The following TENM2 variants were observed in gnomAD, a reference collection of about 807,000 sequenced individuals.
TENM2 encodes the protein teneurin-2.
Under a neutral mutation model 245.2 loss-of-function variants are expected in TENM2, and 52 were observed. The ratio of observed to expected loss-of-function variants is 0.21; its 90% CI spans 0.17 to 0.27. The LOEUF is 0.27. Ranked by LOEUF, TENM2 falls within the 10% of genes least tolerant of loss-of-function variation. The pLI is 1.00. For synonymous variants in TENM2, 1,363 were observed against 1,438.9 expected, an observed-to-expected ratio of 0.95 and a Z score of 1.19; for missense variants, 3,046 against 3,666.8, an observed-to-expected ratio of 0.83 and a Z score of 4.37.
chr5:167,393,545 C>T (rs1237588568), intron 2 of TENM2, among the ~76,000 whole-genome samples: 1 of 152,122 alleles, frequency 6.6e-6, no homozygotes, highest in Non-Finnish European at 1.5e-5. Context: ...AATGTGATTG[C>T]AGCAGAATGC....
At chr5:167,250,142 A>G in the TENM2 span, among the ~76,000 whole-genome samples, 1 of 152,056 alleles carries the variant, frequency 6.6e-6, no homozygotes, top group Non-Finnish European at 1.5e-5. Context: ...GATTCACAAC[A>G]GGTTTTGAAG....
At chr5:167,409,977 T>G (rs540801414) in intron 2 of TENM2, among the ~76,000 whole-genome samples, 1 of 152,106 alleles carries the variant, frequency 6.6e-6, no homozygotes, top group Non-Finnish European at 1.5e-5. Context: ...TAATTAATAT[T>G]AATTTAATAA....
chr5:167,978,194 A>G (rs982999631), intron 4 of TENM2, among the ~76,000 whole-genome samples: 4 of 152,180 alleles, frequency 2.6e-5, no homozygotes, highest in Non-Finnish European at 2.9e-5. Context: ...TAAATTACCC[A>G]GTCTCAGGGT....
chr5:167,927,458 T>C (rs1561943183), intron 3 of TENM2, among the ~76,000 whole-genome samples: 1 of 152,172 alleles, frequency 6.6e-6, no homozygotes, highest in Non-Finnish European at 1.5e-5. Flanking sequence ...GCGGTGCTAA[T>C]GTAGTCTCCT....
At chr5:166,996,584 C>G in the TENM2 span, among the ~76,000 whole-genome samples, 1 of 152,088 alleles carries the variant, frequency 6.6e-6, no homozygotes, top group Non-Finnish European at 1.5e-5. Context: ...AGTTTGCTGG[C>G]CTTTATCTAA....
At chr5:167,174,902 A>G in the TENM2 span, among the ~76,000 whole-genome samples, 2 of 150,562 alleles carry the variant, frequency 1.3e-5, no homozygotes, top group East Asian at 3.9e-4. Flanking sequence ...GATTCCACAT[A>G]TAAGTGAGAT....
At chr5:167,177,352 A>T in the TENM2 span, among the ~76,000 whole-genome samples, 1 of 152,208 alleles carries the variant, frequency 6.6e-6, no homozygotes, top group Non-Finnish European at 1.5e-5. Flanking sequence ...CTCTTTAAAG[A>T]TGTCCTGTGA....
intron 2 of TENM2, among the ~76,000 whole-genome samples, chr5:167,726,007 G>A (rs78325379): frequency 0.01 from 1,548 of 152,240 alleles, 32 homozygotes; most frequent in East Asian, 0.071. Flanking sequence ...CCTTCTAGAG[G>A]TATCAGAATT....
At chr5:167,185,091 A>G in the TENM2 span, among the ~76,000 whole-genome samples, 1 of 152,120 alleles carries the variant, frequency 6.6e-6, no homozygotes, top group African/African-American at 2.4e-5. Flanking sequence ...CTACACATAT[A>G]TGTTCATACA....
At chr5:167,350,263 C>T (rs1192202803) in intron 1 of TENM2, among the ~76,000 whole-genome samples, 1 of 151,986 alleles carries the variant, frequency 6.6e-6, no homozygotes, top group African/African-American at 2.4e-5. Context: ...TTGGCATCAG[C>T]CAACTCACAA....
At chr5:167,048,043 T>C in the TENM2 span, among the ~76,000 whole-genome samples, 3 of 152,184 alleles carry the variant, frequency 2.0e-5, no homozygotes, top group Non-Finnish European at 4.4e-5. Flanking sequence ...ATTGCTATGC[T>C]CAGTGGCTTT....
At chr5:167,389,604 A>G (rs1761641905) in intron 2 of TENM2, among the ~76,000 whole-genome samples, 2 of 152,124 alleles carry the variant, frequency 1.3e-5, no homozygotes, top group Admixed American at 6.6e-5. Flanking sequence ...GTAAAGAGCA[A>G]TGTGATGGAT....
At chr5:167,670,494 A>G (rs1227948378) in intron 2 of TENM2, among the ~76,000 whole-genome samples, 1 of 125,722 alleles carries the variant, frequency 8.0e-6, no homozygotes, top group African/African-American at 3.7e-5. Flanking sequence ...CCTCTCTCTC[A>G]TCACATTTTT....
At chr5:167,968,439 A>C (rs1046531976) in intron 4 of TENM2, among the ~76,000 whole-genome samples, 1 of 152,142 alleles carries the variant, frequency 6.6e-6, no homozygotes, top group Non-Finnish European at 1.5e-5. Context: ...CTGAATACCA[A>C]TTCTTTTCTA....
At chr5:167,914,967 A>G (rs1009872773) in intron 3 of TENM2, among the ~76,000 whole-genome samples, 2 of 152,204 alleles carry the variant, frequency 1.3e-5, no homozygotes, top group African/African-American at 2.4e-5. Flanking sequence ...ATTTCCAAAA[A>G]AGGTCACGTT....
intron 2 of TENM2, among the ~76,000 whole-genome samples, chr5:167,651,500 C>T (rs1028103074): frequency 1.1e-4 from 16 of 151,564 alleles, no homozygotes; most frequent in East Asian, 7.8e-4. Context: ...TTATTGGTGC[C>T]GATTCTCCTC....
At chr5:167,895,073 C>T (rs1775109477) in intron 3 of TENM2, among the ~76,000 whole-genome samples, 1 of 151,804 alleles carries the variant, frequency 6.6e-6, no homozygotes, top group African/African-American at 2.4e-5. Flanking sequence ...TTAAACAAAG[C>T]TTAAGAAAAA....
chr5:167,680,293 C>A (rs1445475324), intron 2 of TENM2, among the ~76,000 whole-genome samples: 4 of 135,142 alleles, frequency 3.0e-5, no homozygotes, highest in African/African-American at 1.1e-4. Flanking sequence ...AAAAATTATG[C>A]CCTAACATAG....
intron 2 of TENM2, among the ~76,000 whole-genome samples, chr5:167,816,906 A>C (rs1429853346): frequency 2.0e-5 from 3 of 152,188 alleles, no homozygotes. Flanking sequence ...AGTACATACT[A>C]AATAAGGGAA....
Sources: allele counts gnomAD v4.1 joint callset (sites outside exome capture counted in the v4.1 genomes callset), GRCh38; gene constraint gnomAD v4.1.1; transcripts MANE v1.5; gene names NCBI Gene and HGNC (gene_info 2026-07-23, HGNC 2026-07-21).